RNGTT: variants seen among roughly 807,000 people sequenced by gnomAD.
The protein encoded by RNGTT is RNA guanylyltransferase and 5'-phosphatase, also known as mRNA-capping enzyme.
A neutral mutation model predicts 79.3 loss-of-function variants in RNGTT; 33 were observed. The ratio of observed to expected loss-of-function variants is 0.42; its 90% confidence interval spans 0.32 to 0.56. The LOEUF (loss-of-function observed/expected upper bound fraction) is 0.56. Ranked by LOEUF, RNGTT falls within the 20% of genes least tolerant of loss-of-function variation. The pLI, the probability that RNGTT is intolerant of heterozygous loss-of-function variation, is 0.17. For synonymous variants in RNGTT, 222 were observed against 235.9 expected (o/e 0.94, Z 0.54); for missense variants, 497 against 739.1 (o/e 0.67, Z 3.80).
At chr6:88,888,906 T>C (rs1483817281) in intron 8 of RNGTT, among the ~76,000 whole-genome samples, 1 of 152,094 alleles carries the variant, frequency 6.6e-6, no homozygotes, top group Non-Finnish European at 1.5e-5. Flanking sequence ...GCACATGCCA[T>C]AAACCCAGCT....
intron 13 of RNGTT, among the ~76,000 whole-genome samples, chr6:88,762,253 A>G (rs1778292161): frequency 6.6e-6 from 1 of 152,306 alleles, no homozygotes; most frequent in South Asian, 2.1e-4. Context: ...GAATTTCCAC[A>G]TTGGCTGTCT....
chr6:88,632,963 C>G, intron 14 of RNGTT, among the ~76,000 whole-genome samples: 1 of 152,162 alleles, frequency 6.6e-6, no homozygotes, highest in East Asian at 1.9e-4. Flanking sequence ...AAGAGGCTGT[C>G]CTGGCTGGGC....
At chr6:88,697,928 GAT>G (rs556620194) in intron 13 of RNGTT, among the ~76,000 whole-genome samples, 8 of 107,282 alleles carry the variant, frequency 7.5e-5, no homozygotes, top group South Asian at 5.2e-4. Flanking sequence ...ACATATATAT[GAT>G]ATATATATGA....
intron 4 of RNGTT, among the ~76,000 whole-genome samples, chr6:88,913,156 G>A (rs1783882142): frequency 6.9e-6 from 1 of 145,692 alleles, no homozygotes; most frequent in South Asian, 2.2e-4. Flanking sequence ...AGTGGGCTAA[G>A]ATTGCAGCAC....
chr6:88,776,711 T>C (rs1293724015), intron 12 of RNGTT, among the ~76,000 whole-genome samples: 1 of 152,046 alleles, frequency 6.6e-6, no homozygotes, highest in East Asian at 1.9e-4. Context: ...TATTTGTTTT[T>C]GTTTTGTTTT....
chr6:88,751,639 G>GT (rs1460450942), intron 13 of RNGTT, among the ~76,000 whole-genome samples: 1 of 151,894 alleles, frequency 6.6e-6, no homozygotes, highest in Non-Finnish European at 1.5e-5. Context: ...CCTCTCATTG[G>GT]TAAGAGGTTT....
At chr6:88,670,710 T>C (rs1477192616) in intron 14 of RNGTT, among the ~76,000 whole-genome samples, 3 of 152,222 alleles carry the variant, frequency 2.0e-5, no homozygotes, top group Non-Finnish European at 2.9e-5. Flanking sequence ...TCTGTTCTGT[T>C]CTGCTAGCCC....
intron 11 of RNGTT, among the ~76,000 whole-genome samples, chr6:88,808,759 A>T (rs59779257): frequency 0.032 from 4,910 of 152,218 alleles, 93 homozygotes; most frequent in African/African-American, 0.058. Flanking sequence ...AAAATATTTT[A>T]AAAAATGTAG....
At chr6:88,945,209 C>T (rs1025040037) in intron 1 of RNGTT, among the ~76,000 whole-genome samples, 3 of 151,546 alleles carry the variant, frequency 2.0e-5, no homozygotes, top group South Asian at 4.2e-4. Context: ...CAATTAGCCT[C>T]TTAGACAGGT....
At chr6:88,661,331 G>A (rs986512625) in intron 14 of RNGTT, among the ~76,000 whole-genome samples, 1 of 151,832 alleles carries the variant, frequency 6.6e-6, no homozygotes, top group African/African-American at 2.4e-5. Flanking sequence ...AGAACTAAAC[G>A]AAATTGAAAC....
intron 1 of RNGTT, among the ~76,000 whole-genome samples, chr6:88,945,075 C>T (rs547254129): frequency 2.6e-5 from 4 of 152,334 alleles, no homozygotes; most frequent in African/African-American, 7.2e-5. Flanking sequence ...CCTACATCTT[C>T]AATGTTCCAA....
intron 13 of RNGTT, among the ~76,000 whole-genome samples, chr6:88,721,049 C>T (rs1226973026): frequency 1.3e-5 from 2 of 152,100 alleles, no homozygotes; most frequent in Non-Finnish European, 2.9e-5. Flanking sequence ...AGTTTCCATT[C>T]AATATAGGCA....
At chr6:88,698,086 T>TATATATATGAAATACATATATATG (rs1272805242) in intron 13 of RNGTT, among the ~76,000 whole-genome samples, 3 of 81,528 alleles carry the variant, frequency 3.7e-5, no homozygotes, top group Non-Finnish European at 6.0e-5. Flanking sequence ...ATATATATGA[T>TATATATATGAAATACATATATATG]ATATATATGA....
intron 13 of RNGTT, among the ~76,000 whole-genome samples, chr6:88,678,863 T>C (rs1483194067): frequency 6.6e-6 from 1 of 152,172 alleles, no homozygotes; most frequent in African/African-American, 2.4e-5. Context: ...TTAGTAATTC[T>C]AACAAAATTA....
chr6:88,915,675 A>G (rs1349296131), intron 4 of RNGTT, among the ~76,000 whole-genome samples: 1 of 152,192 alleles, frequency 6.6e-6, no homozygotes, highest in East Asian at 1.9e-4. Context: ...TATGTTCACT[A>G]TCTGTGTAAT....
chr6:88,852,259 C>G (rs148289481), intron 9 of RNGTT, among the ~76,000 whole-genome samples: 1 of 152,182 alleles, frequency 6.6e-6, no homozygotes, highest in African/African-American at 2.4e-5. Context: ...AATACCCGTA[C>G]TCTTGGTATA....
chr6:88,890,651 A>C (rs1045368169), intron 7 of RNGTT, 55 bp from the exon 8 acceptor site: 3 of 1,211,298 alleles, frequency 2.5e-6, no homozygotes, highest in Non-Finnish European at 3.6e-6. Context: ...AAAGCAATAC[A>C]TGTCTTAAAC....
chr6:88,632,534 CAG>C (rs1562159744), intron 14 of RNGTT, among the ~76,000 whole-genome samples: 8 of 96,766 alleles, frequency 8.3e-5, no homozygotes, highest in African/African-American at 3.3e-4. Flanking sequence ...TACAGACACA[CAG>C]ACACACAGAC....
intron 6 of RNGTT, among the ~76,000 whole-genome samples, chr6:88,898,487 T>TTC: frequency 6.6e-6 from 1 of 152,090 alleles, no homozygotes; most frequent in South Asian, 2.1e-4. Flanking sequence ...TTTGTTCCTC[T>TTC]TCTTAATAGC....
Sources: gnomAD v4.1 joint callset for allele counts (sites outside exome capture counted in the v4.1 genomes callset) on GRCh38, gnomAD v4.1.1 for gene constraint, MANE v1.5 for transcripts, NCBI Gene and HGNC (gene_info 2026-07-23, HGNC 2026-07-21) for gene names.